The following SIPA1L1 variants were observed in gnomAD, a reference collection of about 807,000 sequenced individuals.
SIPA1L1 encodes signal induced proliferation associated 1 like 1.
In SIPA1L1, 26 loss-of-function variants were observed where a neutral mutation model predicts 162.7. The ratio of observed to expected loss-of-function variants is 0.16; its 90% CI spans 0.12 to 0.22. SIPA1L1 has a LOEUF of 0.22. Among genes scored for constraint, SIPA1L1 ranks in the 10% least tolerant of loss-of-function variants. SIPA1L1 has a pLI of 1.00. For missense variants in SIPA1L1, 1,874 were observed against 2,241.0 expected, an observed-to-expected ratio of 0.84 and a Z score of 3.31; for synonymous variants, 829 against 837.4, an observed-to-expected ratio of 0.99 and a Z score of 0.17.
chr14:71,663,791 T>G (rs919856119), intron 10 of SIPA1L1, among the ~76,000 whole-genome samples: 2 of 152,218 alleles, frequency 1.3e-5, no homozygotes, highest in African/African-American at 4.8e-5. Context: ...TGAACACCCC[T>G]GCTCAAGACA....
intron 2 of SIPA1L1, among the ~76,000 whole-genome samples, chr14:71,500,657 T>C (rs1361201547): frequency 6.6e-6 from 1 of 152,326 alleles, no homozygotes; most frequent in East Asian, 1.9e-4. Context: ...CAAAAGTGTT[T>C]ATAGCAGCAT....
intron 2 of SIPA1L1, among the ~76,000 whole-genome samples, chr14:71,462,284 G>A (rs1475435829): frequency 6.6e-6 from 1 of 152,182 alleles, no homozygotes; most frequent in Non-Finnish European, 1.5e-5. Context: ...ATTCACCTAT[G>A]GGGGCCTGCT....
intron 13 of SIPA1L1, among the ~76,000 whole-genome samples, chr14:71,696,696 A>C (rs559565597): frequency 6.6e-5 from 10 of 152,328 alleles, no homozygotes; most frequent in African/African-American, 1.2e-4. Context: ...GCACTCAGAA[A>C]TGTAAAGATA....
At chr14:71,410,954 A>C (rs2042360447) in intron 2 of SIPA1L1, among the ~76,000 whole-genome samples, 1 of 152,158 alleles carries the variant, frequency 6.6e-6, no homozygotes, top group African/African-American at 2.4e-5. Flanking sequence ...TAGATCCATC[A>C]TAGGGCTTGT....
At chr14:71,520,277 G>C (rs1021963694) in intron 3 of SIPA1L1, among the ~76,000 whole-genome samples, 3 of 152,136 alleles carry the variant, frequency 2.0e-5, no homozygotes, top group Non-Finnish European at 2.9e-5. Context: ...ACCTTAATCA[G>C]TTCATCAAAA....
intron 3 of SIPA1L1, among the ~76,000 whole-genome samples, chr14:71,523,483 T>C (rs1282172075): frequency 6.6e-6 from 1 of 152,200 alleles, no homozygotes; most frequent in Non-Finnish European, 1.5e-5. Context: ...AGTAAAATTA[T>C]CTAAATCAGG....
intron 7 of SIPA1L1, among the ~76,000 whole-genome samples, chr14:71,635,149 G>T (rs1416953050): frequency 2.0e-5 from 3 of 152,008 alleles, no homozygotes; most frequent in Admixed American, 2.0e-4. Context: ...TGTGATGGTG[G>T]GTGCCTATAA....
intron 2 of SIPA1L1, among the ~76,000 whole-genome samples, chr14:71,447,083 A>G (rs1053908006): frequency 7.3e-6 from 1 of 137,104 alleles, no homozygotes; most frequent in African/African-American, 2.7e-5. Context: ...AGCTAATTAC[A>G]TTTTTTTTTT....
chr14:71,437,897 C>A (rs1478577259), intron 2 of SIPA1L1, among the ~76,000 whole-genome samples: 1 of 152,124 alleles, frequency 6.6e-6, no homozygotes. Context: ...TTGGAAGTAT[C>A]TATTGAAATT....
intron 2 of SIPA1L1, among the ~76,000 whole-genome samples, chr14:71,432,625 C>G (rs1349538904): frequency 6.6e-6 from 1 of 152,102 alleles, no homozygotes; most frequent in Non-Finnish European, 1.5e-5. Context: ...ATTCCAGTTT[C>G]TATGGTCAGC....
At chr14:71,527,924 G>A (rs1259696520) in intron 3 of SIPA1L1, among the ~76,000 whole-genome samples, 4 of 152,062 alleles carry the variant, frequency 2.6e-5, no homozygotes, top group African/African-American at 4.8e-5. Flanking sequence ...TCGCTCTATC[G>A]TCCAGGCTGG....
At chr14:71,516,252 T>A (rs1449586464) in intron 3 of SIPA1L1, among the ~76,000 whole-genome samples, 1 of 152,226 alleles carries the variant, frequency 6.6e-6, no homozygotes, top group African/African-American at 2.4e-5. Context: ...TTGAAGAGTT[T>A]AATTATTTTG....
At chr14:71,634,504 A>C (rs563145752) in intron 7 of SIPA1L1, among the ~76,000 whole-genome samples, 2 of 151,936 alleles carry the variant, frequency 1.3e-5, no homozygotes, top group African/African-American at 4.8e-5. Flanking sequence ...TGGCATGATA[A>C]TTTTTCAGGA....
intron 3 of SIPA1L1, among the ~76,000 whole-genome samples, chr14:71,521,287 A>G (rs754830152): frequency 3.9e-5 from 6 of 152,174 alleles, no homozygotes; most frequent in Non-Finnish European, 8.8e-5. Flanking sequence ...AGGAATTAAG[A>G]CCCAAAGAAG....
chr14:71,732,897 C>T (rs2084930618), intron 20 of SIPA1L1, among the ~76,000 whole-genome samples: 1 of 152,202 alleles, frequency 6.6e-6, no homozygotes, highest in Non-Finnish European at 1.5e-5. Flanking sequence ...CTGTCCCTTA[C>T]CACTCCCGGG....
intron 2 of SIPA1L1, among the ~76,000 whole-genome samples, chr14:71,449,995 A>G (rs1174093667): frequency 6.6e-6 from 1 of 152,170 alleles, no homozygotes; most frequent in South Asian, 2.1e-4. Context: ...CTTTTAGCTT[A>G]TTTTTTAACC....
intron 2 of SIPA1L1, among the ~76,000 whole-genome samples, chr14:71,463,647 C>T (rs938216735): frequency 3.9e-5 from 6 of 152,136 alleles, no homozygotes; most frequent in South Asian, 2.1e-4. Flanking sequence ...ACCCGGCCTC[C>T]CCTTCATTCA....
At chr14:71,696,234 A>G (rs934611139) in intron 13 of SIPA1L1, among the ~76,000 whole-genome samples, 1 of 152,216 alleles carries the variant, frequency 6.6e-6, no homozygotes, top group Admixed American at 6.5e-5. Flanking sequence ...ATTGATGATG[A>G]TAACAGGAAG....
intron 15 of SIPA1L1, chr14:71,704,751 A>G (rs745996619): frequency 1.2e-6 from 2 of 1,613,170 alleles, no homozygotes; most frequent in Non-Finnish European, 1.7e-6. Context: ...CAGGATTTCA[A>G]TTCTTTTGTC....
Sources: gnomAD v4.1 joint callset for allele counts (sites outside exome capture counted in the v4.1 genomes callset) on GRCh38, gnomAD v4.1.1 for gene constraint, MANE v1.5 for transcripts, NCBI Gene and HGNC (gene_info 2026-07-23, HGNC 2026-07-21) for gene names.